RAPH1: variants seen among roughly 807,000 people sequenced by gnomAD.
The protein encoded by RAPH1 is Ras association (RalGDS/AF-6) and pleckstrin homology domains 1.
RAPH1 carries 18 observed loss-of-function variants against 88.1 expected under a neutral mutation model. The observed-to-expected ratio is 0.20, with a 90% confidence interval of 0.14 to 0.30. RAPH1 has a LOEUF of 0.30. Among genes scored for constraint, RAPH1 ranks in the 10% least tolerant of loss-of-function variants. The probability of loss-of-function intolerance (pLI) is 1.00; values close to 1 mark genes in which losing one functional copy is unlikely to be tolerated. For missense variants in RAPH1, 1,448 were observed against 1,543.2 expected, an observed-to-expected ratio of 0.94 and a Z score of 1.03; for synonymous variants, 587 against 559.0, an observed-to-expected ratio of 1.05 and a Z score of -0.71.
Position 203,437,570 on chromosome 2 carries a change from A to G in RAPH1, c.*1867T>C, listed in dbSNP as rs1324799942. 1.3e-5 allele frequency: 2 copies of G among 152,254 alleles called. No individual in the cohort carries two copies. Among genetic ancestry groups the G allele is most frequent in the African/African-American group, 4.8e-5 (2 of 41,470 alleles). The allele number at this position is 152,254 out of a possible 1,614,324, so 9.4% of individuals were successfully genotyped here. On this transcript the variant is annotated 3_prime_UTR_variant, in exon 14 of 14. Coordinates refer to ENST00000319170, the MANE Select transcript of RAPH1 (RefSeq NM_213589.3). ...GGTGAACAATTTGAAAGACCTAAAA[A>G]TTAATGGTATATATTCTTATTGCTC...
At chr2:203,494,829 A>C (rs977602239) in intron 2 of RAPH1, among the ~76,000 whole-genome samples, 1 of 151,674 alleles carries the variant, frequency 6.6e-6, no homozygotes, top group African/African-American at 2.4e-5. Flanking sequence ...AAAAAGAAAA[A>C]AAAAAAGAAA....
rs925318015 is a variant in RAPH1, at chr2:203,437,019, G to T, written c.*2418C>A. On this transcript the variant is annotated 3_prime_UTR_variant, in exon 14 of 14. Transcript: ENST00000319170. ...TTGTCGGACAAGCCACTGGACTGGG[G>T]TTAAAATGAGTCTCCTCCTCTAGCC... 1.1e-5 allele frequency: 1 copy of T among 88,816 alleles called. No individual in the cohort carries two copies. Among genetic ancestry groups the T allele is most frequent in the African/African-American group, 5.1e-5 (1 of 19,622 alleles). The allele number at this position is 88,816 out of a possible 1,614,324, so 5.5% of individuals were successfully genotyped here.
At chr2:203,492,774 CTT>C (rs34762923) in intron 2 of RAPH1, among the ~76,000 whole-genome samples, 243 of 144,830 alleles carry the variant, frequency 1.7e-3, no homozygotes, top group Middle Eastern at 3.5e-3. Flanking sequence ...ATAATGCTAT[CTT>C]TTTTTTTTTT....
chr2:203,455,846 T>TA (rs1034193198), intron 8 of RAPH1, among the ~76,000 whole-genome samples: 1,900 of 123,346 alleles, frequency 0.015, 35 homozygotes, highest in African/African-American at 0.049. Flanking sequence ...CGTCTCTACT[T>TA]AAAAAAAAAA....
At chr2:203,500,254 T>C (rs192395975) in intron 1 of RAPH1, among the ~76,000 whole-genome samples, 3 of 152,364 alleles carry the variant, frequency 2.0e-5, no homozygotes, top group Admixed American at 1.3e-4. Flanking sequence ...AAAGTGGTGA[T>C]GCTTCAGTGG....
intron 13 of RAPH1, 157 bp from the exon 14 acceptor site, chr2:203,441,570 G>A (rs1005620014): frequency 6.8e-5 from 93 of 1,366,380 alleles, no homozygotes; most frequent in Non-Finnish European, 7.4e-5. Context: ...GATGGACAAT[G>A]TCAGGAAGGC....
In RAPH1 at chr2:203,463,866, G is replaced by C. The variant is rs186540869; in HGVS notation, c.733-1941C>G. On this transcript the variant is annotated intron_variant, in intron 4 of 13. Transcript: ENST00000319170. ...TATGAAACGAGAAAACTAAATTACT[G>C]TCATTAAAACTCTCAGTTTTTAGAA... Among the ~76,000 whole-genome samples, 11 of 152,148 alleles carry C rather than the reference G, an allele frequency of 7.2e-5. No homozygotes were observed. In the East Asian group the frequency reaches 1.2e-3, roughly 16 times the overall value.
chr2:203,469,409 C>A (rs936506167), intron 4 of RAPH1, among the ~76,000 whole-genome samples: 1 of 152,112 alleles, frequency 6.6e-6, no homozygotes, highest in Non-Finnish European at 1.5e-5. Context: ...GCTTCTTGGG[C>A]AGATTTTCAT....
chr2:203,490,100 C>T lies in RAPH1; in HGVS notation c.227-11G>A, dbSNP rs2251317. 0.046 allele frequency: 73,032 copies of T among 1,586,570 alleles called. 2,413 individuals carry two copies. The highest frequency in any genetic ancestry group is 0.16 in the African/African-American group (11,892 of 73,668). On this transcript the variant is annotated splice_polypyrimidine_tract_variant and intron_variant, in intron 3 of 13. Coordinates refer to ENST00000319170, the MANE Select transcript of RAPH1 (RefSeq NM_213589.3). ...CCTGATTCAGAGCTTCTGCAATGAA[C>T]AACACATAATGTTTCCAGAATTTAT...
At chr2:203,522,184 ATC>A (rs1171579855) in intron 1 of RAPH1, among the ~76,000 whole-genome samples, 5 of 152,180 alleles carry the variant, frequency 3.3e-5, no homozygotes, top group Admixed American at 6.5e-5. Flanking sequence ...AACAAAAGAT[ATC>A]TGTTTTAGTC....
intron 10 of RAPH1, among the ~76,000 whole-genome samples, chr2:203,453,017 A>G (rs1179176337): frequency 1.3e-5 from 2 of 152,198 alleles, no homozygotes; most frequent in Non-Finnish European, 2.9e-5. Context: ...ACCTCTTAGA[A>G]AACTCCACTA....
At chr2:203,502,228 C>T (rs1026814174) in intron 1 of RAPH1, among the ~76,000 whole-genome samples, 2 of 152,164 alleles carry the variant, frequency 1.3e-5, no homozygotes, top group African/African-American at 4.8e-5. Flanking sequence ...CCAGATGGAA[C>T]CAAACCTTCC....
At chr2:203,500,597 A>G (rs1370388937) in intron 1 of RAPH1, among the ~76,000 whole-genome samples, 1 of 152,192 alleles carries the variant, frequency 6.6e-6, no homozygotes, top group Non-Finnish European at 1.5e-5. Context: ...ACTGAATACT[A>G]ATGTCAAGAG....
chr2:203,474,491 T>C (rs750688549), intron 4 of RAPH1, among the ~76,000 whole-genome samples: 1 of 152,228 alleles, frequency 6.6e-6, no homozygotes, highest in Non-Finnish European at 1.5e-5. Context: ...ATAATTTTAA[T>C]ACTGAATGAA....
Position 203,439,712 on chromosome 2 carries a change from T to A in RAPH1, c.3478A>T (p.Ser1160Cys). ...QVPTSPKSSLSVQPGFLADLN... is the reference protein window; with the variant it reads ...QVPTSPKSSLCVQPGFLADLN... ...TCAGCCAGGAATCCAGGCTGGACAC[T>A]AAGGCTGGATTTGGGAGAGGTGGGC... Residue 1160 changes from serine (S) to cysteine (C), a missense_variant, in exon 14 of 14, where the codon AGT (serine) becomes TGT (cysteine). By Grantham distance (112) the Ser-to-Cys change is moderately radical. This residue lies in a region of RAPH1 where 935 missense variants were observed against 890.1 expected (regional missense o/e 1.05). Transcript: ENST00000319170. 1 of 1,614,166 alleles carries A rather than the reference T, an allele frequency of 6.2e-7. No homozygotes were observed. The highest frequency in any genetic ancestry group is 8.5e-7 in the Non-Finnish European group (1 of 1,180,028).
At chr2:203,487,959 T>C (rs754125287) in intron 4 of RAPH1, among the ~76,000 whole-genome samples, 1 of 152,186 alleles carries the variant, frequency 6.6e-6, no homozygotes, top group Admixed American at 6.5e-5. Flanking sequence ...TGTCAAGTAA[T>C]AGTTAAAATT....
At chr2:203,490,521 G>A (rs1688212987) in intron 3 of RAPH1, among the ~76,000 whole-genome samples, 1 of 152,144 alleles carries the variant, frequency 6.6e-6, no homozygotes, top group Non-Finnish European at 1.5e-5. Flanking sequence ...ACTTGACTAG[G>A]TGGAATACAA....
At position 203,441,259 on chromosome 2, in the gene RAPH1, G is replaced by A. The variant is rs1198421690; in HGVS notation, c.1931C>T (p.Pro644Leu). 3.1e-6 allele frequency: 4 copies of A among 1,309,018 alleles called. 1 individual carries two copies. The highest frequency in any genetic ancestry group is 2.9e-5 in the South Asian group (2 of 70,020). 81.1% of individuals were successfully genotyped at this position (1,309,018 alleles called of 1,614,324 possible). A position where few individuals can be genotyped will look rare whatever the true frequency, so the allele number is the denominator to read the frequency against. Residue 644 changes from proline (P) to leucine (L), a missense_variant, in exon 14 of 14, where the codon CCC (proline) becomes CTC (leucine). By Grantham distance (98) the Pro-to-Leu change is moderately conservative. Coordinates refer to ENST00000319170, the MANE Select transcript of RAPH1 (RefSeq NM_213589.3). ...CTGGCTGGGGAGTGGGGGAGGAGGG[G>A]GTGGTGGAGGGGGTGGTGGAGGAGG... ...PPPPPPPPPP[P>L]PPPPLPSQSA...
At chr2:203,527,501 A>T (rs1385461189) in intron 1 of RAPH1, among the ~76,000 whole-genome samples, 1 of 152,074 alleles carries the variant, frequency 6.6e-6, no homozygotes, top group Admixed American at 6.6e-5. Flanking sequence ...GATTTCCTCA[A>T]TAAAAACGTT....
Sources: gnomAD v4.1 joint callset for allele counts (sites outside exome capture counted in the v4.1 genomes callset) on GRCh38, gnomAD v4.1.1 for gene constraint, gnomAD v4.1.1 regional missense constraint, MANE v1.5 for transcripts, NCBI Gene and HGNC (gene_info 2026-07-23, HGNC 2026-07-21) for gene names.